Variants in KCNIP4 observed in about 807,000 individuals in gnomAD.
The protein encoded by KCNIP4 is Kv channel-interacting protein 4.
KCNIP4 carries 12 observed loss-of-function variants against 34.0 expected under a neutral mutation model. The observed-to-expected ratio is 0.35, with a 90% CI of 0.23 to 0.57. KCNIP4 has a LOEUF of 0.57. Among genes scored for constraint, KCNIP4 ranks in the 20% least tolerant of loss-of-function variants. The pLI, the probability that KCNIP4 is intolerant of heterozygous loss-of-function variation, is 0.83. For missense variants in KCNIP4, 238 were observed against 311.7 expected (o/e 0.76, Z 1.78); for synonymous variants, 124 against 102.2 (o/e 1.21, Z -1.29).
chr4:20,910,523 A>G (rs766266421), intron 1 of KCNIP4, among the ~76,000 whole-genome samples: 22 of 152,222 alleles, frequency 1.4e-4, no homozygotes, highest in Non-Finnish European at 3.1e-4. Flanking sequence ...AATAGTGATC[A>G]TAATCTATGT....
At position 21,931,236 on chromosome 4, in the gene KCNIP4, CTT is replaced by C. The variant is rs33977693; in HGVS notation, c.61+17333_61+17334del. ...GGAGCTTTAAATGATTGAAGCTCAG[CTT>C]TTTTTTTTTTATGAAAACTATCCTT... On this transcript the variant is annotated intron_variant, in intron 1 of 8. Transcript: ENST00000382152. 2.5e-3 allele frequency among the ~76,000 whole-genome samples: 365 copies of C among 148,430 alleles called. 1 individual carries two copies. Among genetic ancestry groups the C allele is most frequent in the East Asian group, 8.5e-3 (43 of 5,034 alleles).
chr4:21,767,652 C>T (rs1423353844), intron 1 of KCNIP4, among the ~76,000 whole-genome samples: 4 of 151,900 alleles, frequency 2.6e-5, no homozygotes, highest in African/African-American at 9.7e-5. Context: ...AGAAAACTTA[C>T]AAAAAATTAC....
intron 3 of KCNIP4, among the ~76,000 whole-genome samples, chr4:20,846,223 A>G (rs1720350791): frequency 6.6e-6 from 1 of 152,206 alleles, no homozygotes; most frequent in South Asian, 2.1e-4. Context: ...AAGATTCCAT[A>G]GAAGAAGGAA....
At chr4:21,233,848 C>T (rs1758983347) in intron 1 of KCNIP4, among the ~76,000 whole-genome samples, 1 of 127,924 alleles carries the variant, frequency 7.8e-6, no homozygotes, top group South Asian at 2.2e-4. Flanking sequence ...ATATATTACA[C>T]TATATAGTCA....
At chr4:20,962,613 G>C (rs1028589862) in intron 1 of KCNIP4, among the ~76,000 whole-genome samples, 6 of 152,080 alleles carry the variant, frequency 3.9e-5, no homozygotes, top group Non-Finnish European at 8.8e-5. Flanking sequence ...AACAAGCCAG[G>C]TTTGTCTATC....
At chr4:20,864,894 G>A (rs1345435072) in intron 2 of KCNIP4, among the ~76,000 whole-genome samples, 1 of 151,954 alleles carries the variant, frequency 6.6e-6, no homozygotes, top group Admixed American at 6.6e-5. Flanking sequence ...TATCTTTTAT[G>A]GATAAGAGTG....
At chr4:20,875,382 G>A (rs542004528) in intron 2 of KCNIP4, among the ~76,000 whole-genome samples, 1 of 152,098 alleles carries the variant, frequency 6.6e-6, no homozygotes, top group Non-Finnish European at 1.5e-5. Context: ...TCTGTAAAAT[G>A]GGTATAATCC....
intron 3 of KCNIP4, among the ~76,000 whole-genome samples, chr4:20,839,742 C>T (rs1352798): frequency 0.093 from 14,108 of 152,094 alleles, 1,009 homozygotes; most frequent in East Asian, 0.21. Context: ...TTTTGCTTTA[C>T]ATTCATTGTC....
intron 1 of KCNIP4, among the ~76,000 whole-genome samples, chr4:21,242,473 A>G (rs115492956): frequency 8.5e-5 from 13 of 152,138 alleles, no homozygotes; most frequent in Non-Finnish European, 1.2e-4. Context: ...AAATGTCCAG[A>G]TTAAATGTCA....
At chr4:21,746,928 T>C (rs915405705) in intron 1 of KCNIP4, among the ~76,000 whole-genome samples, 4 of 152,224 alleles carry the variant, frequency 2.6e-5, no homozygotes, top group African/African-American at 9.6e-5. Context: ...TTTGTTGTTA[T>C]TTGTTTCTAT....
chr4:21,916,282 CT>C, intron 1 of KCNIP4, among the ~76,000 whole-genome samples: 1 of 152,280 alleles, frequency 6.6e-6, no homozygotes, highest in East Asian at 1.9e-4. Context: ...TATTTCTTAT[CT>C]AGTTATTAAA....
At chr4:20,746,130 A>G (rs1355608468) in intron 5 of KCNIP4, among the ~76,000 whole-genome samples, 2 of 152,208 alleles carry the variant, frequency 1.3e-5, no homozygotes, top group African/African-American at 4.8e-5. Context: ...ACCAACCCAA[A>G]TGTCCATCAA....
At chr4:21,328,922 G>T (rs141233457) in intron 1 of KCNIP4, among the ~76,000 whole-genome samples, 2 of 152,358 alleles carry the variant, frequency 1.3e-5, no homozygotes, top group East Asian at 3.9e-4. Flanking sequence ...GGCTACTTCA[G>T]TCACCTTGTG....
chr4:21,043,959 G>T (rs552098189), intron 1 of KCNIP4, among the ~76,000 whole-genome samples: 1 of 152,124 alleles, frequency 6.6e-6, no homozygotes, highest in African/African-American at 2.4e-5. Flanking sequence ...AAATGCCATT[G>T]GTTTCCATTG....
chr4:21,841,716 A>C (rs1723696271), intron 1 of KCNIP4, among the ~76,000 whole-genome samples: 1 of 152,188 alleles, frequency 6.6e-6, no homozygotes, highest in Non-Finnish European at 1.5e-5. Flanking sequence ...AAGGATTCTT[A>C]AAGTGATTGG....
chr4:21,797,296 G>A (rs755349728), intron 1 of KCNIP4, among the ~76,000 whole-genome samples: 1 of 152,072 alleles, frequency 6.6e-6, no homozygotes, highest in Non-Finnish European at 1.5e-5. Flanking sequence ...TTGTGCCACT[G>A]TGCCCAAGTT....
rs1322267053 is a variant in KCNIP4 at position 21,937,845 on chromosome 4, C to CAAGTCTCTGCCTGCTGT, written c.61+10709_61+10725dup. The stretch of plus-strand genomic sequence containing the variant: ...ATGTCTCACCTGCAGCTATGCCACA[C>CAAGTCTCTGCCTGCTGT]AAGTCTCTGCCTGCTGTTTTACTCC... On this transcript the variant is annotated intron_variant, in intron 1 of 8. Coordinates refer to ENST00000382152, the MANE Select transcript of KCNIP4 (RefSeq NM_025221.6). Among the ~76,000 whole-genome samples the CAAGTCTCTGCCTGCTGT allele has an allele frequency of 5.5e-4, 84 of 152,192 alleles. 1 individual carries two copies. Among genetic ancestry groups the CAAGTCTCTGCCTGCTGT allele is most frequent in the Middle Eastern group, 3.4e-3 (1 of 294 alleles).
chr4:21,112,025 G>GTATCCATCTATC (rs35053587), intron 1 of KCNIP4, among the ~76,000 whole-genome samples: 182 of 114,806 alleles, frequency 1.6e-3, no homozygotes, highest in African/African-American at 6.8e-3. Context: ...TCCTTTCTCT[G>GTATCCATCTATC]TATCTATCTA....
At chr4:20,899,540 T>C (rs559348633) in intron 1 of KCNIP4, among the ~76,000 whole-genome samples, 131 of 152,318 alleles carry the variant, frequency 8.6e-4, no homozygotes, top group African/African-American at 3.0e-3. Flanking sequence ...ACCAAAATAT[T>C]GCCTAAGAGG....
Sources: gnomAD v4.1 joint callset for allele counts (sites outside exome capture counted in the v4.1 genomes callset) on GRCh38, gnomAD v4.1.1 for gene constraint, MANE v1.5 for transcripts, NCBI Gene and HGNC (gene_info 2026-07-23, HGNC 2026-07-21) for gene names.